Variants in DIP2C observed in about 807,000 individuals in gnomAD.
DIP2C encodes disco-interacting protein 2 homolog C.
In DIP2C, 33 loss-of-function variants were observed where a neutral mutation model predicts 192.4. The ratio of observed to expected loss-of-function variants is 0.17; its 90% CI spans 0.13 to 0.23. DIP2C has a LOEUF of 0.23. DIP2C is among the 10% of genes least tolerant of loss of function. The pLI is 1.00. For missense variants in DIP2C, 1,537 were observed against 2,110.1 expected (o/e 0.73, Z 5.32); for synonymous variants, 979 against 864.1 (o/e 1.13, Z -2.33).
intron 22 of DIP2C, among the ~76,000 whole-genome samples, chr10:361,766 G>T (rs970017803): frequency 9.9e-5 from 15 of 152,088 alleles, no homozygotes; most frequent in Admixed American, 4.6e-4. Flanking sequence ...GTCCCGAGGC[G>T]GCAGACAGAG....
chr10:390,620 G>T, intron 11 of DIP2C, 120 bp downstream of exon 11: 1 of 1,480,254 alleles, frequency 6.8e-7, no homozygotes, highest in Non-Finnish European at 9.1e-7. Flanking sequence ...AAAACTCGTG[G>T]GTCTGTGACT....
intron 1 of DIP2C, among the ~76,000 whole-genome samples, chr10:625,407 C>A (rs998647634): frequency 9.8e-5 from 15 of 152,320 alleles, no homozygotes; most frequent in African/African-American, 3.6e-4. Flanking sequence ...TGTTCGGAGG[C>A]TTTCTGGGCT....
At chr10:542,878 G>A (rs997222640) in intron 1 of DIP2C, among the ~76,000 whole-genome samples, 12 of 145,906 alleles carry the variant, frequency 8.2e-5, no homozygotes, top group South Asian at 6.7e-4. Flanking sequence ...CAGTTCTTAC[G>A]GGATTGGGGA....
At chr10:337,073 TTGTGGAGGCCTAGACTGGTGTGTGTGTGC>T (rs1564574810) in intron 29 of DIP2C, among the ~76,000 whole-genome samples, 9 of 71,512 alleles carry the variant, frequency 1.3e-4, no homozygotes, top group Admixed American at 3.0e-4. Context: ...TGTGTGTGTG[TTGTGGAGGCCTAGACTGGTGTGTGTGTGC>T]GTGTGTGTGT....
chr10:439,855 T>C lies in DIP2C; in HGVS notation c.394+1016A>G, dbSNP rs773239246. Among the ~76,000 whole-genome samples the C allele has an allele frequency of 7.2e-5, 11 of 152,172 alleles. No individual in the cohort carries two copies. In the South Asian group the frequency reaches 1.9e-3, roughly 26 times the overall value. Reference sequence around the variant, plus strand: ...AAAAATACTCCCAAAAAATTGTACATTTTCAACTATTCATATTGTACCTTA... The same window carrying C: ...AAAAATACTCCCAAAAAATTGTACACTTTCAACTATTCATATTGTACCTTA... On this transcript the variant is annotated intron_variant, in intron 4 of 36. Coordinates refer to ENST00000280886, the MANE Select transcript of DIP2C (RefSeq NM_014974.3).
chr10:374,718 AGAT>A (rs1394134183), intron 17 of DIP2C, among the ~76,000 whole-genome samples: 1 of 152,242 alleles, frequency 6.6e-6, no homozygotes, highest in Non-Finnish European at 1.5e-5. Context: ...TGAGAAACTT[AGAT>A]GATATTTATC....
intron 19 of DIP2C, 110 bp from the exon 20 acceptor site, chr10:364,692 C>T (rs895249437): frequency 2.2e-5 from 27 of 1,214,042 alleles, no homozygotes; most frequent in Non-Finnish European, 2.7e-5. Context: ...CTGCCTTTCA[C>T]CCCAGCAACC....
rs1224268021 is a variant in DIP2C at position 324,904 on chromosome 10, G to A, written c.3924+2102C>T. On this transcript the variant is annotated intron_variant, in intron 31 of 36. Transcript: ENST00000280886. The stretch of plus-strand genomic sequence containing the variant: ...TGCGCTGTTTTTCTTTCATCTCCAT[G>A]TTTTGGTTCTTTTTTCACGTATTTT... 1.3e-5 allele frequency: 7 copies of A among 531,068 alleles called. No individual in the cohort carries two copies. In the African/African-American group the frequency reaches 1.3e-4, roughly 10 times the overall value. 32.9% of individuals were successfully genotyped at this position (531,068 alleles called of 1,614,324 possible).
intron 4 of DIP2C, among the ~76,000 whole-genome samples, chr10:425,554 C>T (rs558324578): frequency 2.3e-4 from 31 of 134,082 alleles, no homozygotes; most frequent in South Asian, 1.8e-3. Context: ...TAATATGACA[C>T]GGATGATACA....
intron 24 of DIP2C, among the ~76,000 whole-genome samples, chr10:352,623 G>T (rs1024846920): frequency 3.9e-5 from 6 of 152,200 alleles, no homozygotes; most frequent in African/African-American, 1.4e-4. Flanking sequence ...AGGGCCATGG[G>T]TCACACCAGG....
intron 19 of DIP2C, 136 bp from the exon 20 acceptor site, chr10:364,718 G>A (rs1370972423): frequency 2.1e-6 from 2 of 965,152 alleles, no homozygotes; most frequent in Non-Finnish European, 1.5e-6. Context: ...CTAGGGCCGA[G>A]GTCACAGTGA....
intron 1 of DIP2C, among the ~76,000 whole-genome samples, chr10:496,397 C>T (rs770982120): frequency 7.6e-6 from 1 of 131,006 alleles, no homozygotes; most frequent in Non-Finnish European, 1.6e-5. Context: ...TGAGTGCTGA[C>T]TACACAGAAC....
At chr10:390,526 A>G (rs1444405677) in intron 11 of DIP2C, among the ~76,000 whole-genome samples, 153 bp from the exon 12 acceptor site, 4 of 151,174 alleles carry the variant, frequency 2.6e-5, no homozygotes, top group Non-Finnish European at 5.9e-5. Flanking sequence ...TCAACAGAAG[A>G]GCACCCAAGC....
rs1855964574 is a variant in DIP2C, at chr10:652,179, T to G, written c.85+37315A>C. Reference sequence around the variant, plus strand: ...AGCACGATAAACAGAATGAGCAAAATTCAAAAACTAAAGCAGCGTTTTTCC... The same window carrying G: ...AGCACGATAAACAGAATGAGCAAAAGTCAAAAACTAAAGCAGCGTTTTTCC... On this transcript the variant is annotated intron_variant, in intron 1 of 36. Coordinates refer to ENST00000280886, the MANE Select transcript of DIP2C (RefSeq NM_014974.3). This position sits in a 1 kb window ranked among gnomAD's most constrained non-coding sequence, Gnocchi z 4.5. 6.1e-6 allele frequency: 1 copy of G among 163,594 alleles called. No homozygotes were observed. Among genetic ancestry groups the G allele is most frequent in the Non-Finnish European group, 1.3e-5 (1 of 74,206 alleles). 10.1% of individuals were successfully genotyped at this position (163,594 alleles called of 1,614,324 possible).
intron 1 of DIP2C, among the ~76,000 whole-genome samples, chr10:502,040 G>C (rs899841015): frequency 6.6e-6 from 1 of 152,206 alleles, no homozygotes; most frequent in Non-Finnish European, 1.5e-5. Flanking sequence ...CAGTTACTCA[G>C]TAGGCTGAGG....
chr10:555,984 A>G (rs1020708925), intron 1 of DIP2C, among the ~76,000 whole-genome samples: 2 of 151,960 alleles, frequency 1.3e-5, no homozygotes, highest in African/African-American at 4.8e-5. Context: ...TGCCCCCAAC[A>G]CACCTCAAAT....
At chr10:470,009 T>TGGTGGAA (rs1435715940) in intron 3 of DIP2C, among the ~76,000 whole-genome samples, 3 of 152,020 alleles carry the variant, frequency 2.0e-5, no homozygotes, top group Admixed American at 6.5e-5. Context: ...GGGAGGTGGA[T>TGGTGGAA]GGTGGAAGAA....
rs1423032450 is a variant in DIP2C, at chr10:283,431, C to T, written c.4135G>A (p.Ala1379Thr). The change falls in exon 35 of 37, where the codon GCC becomes ACC. Residue 1379 changes from alanine (A) to threonine (T), a missense_variant. Ala to Thr is a moderately conservative substitution (Grantham distance 58). Coordinates refer to ENST00000280886, the MANE Select transcript of DIP2C (RefSeq NM_014974.3). Reference sequence around the variant, plus strand: ...GTGAAATAACCGCTGGCATTGTGGGCACTGTGAACCCAAATCTGCAAACGG... The same window carrying T: ...GTGAAATAACCGCTGGCATTGTGGGTACTGTGAACCCAAATCTGCAAACGG... ...SHLGEIWVHS[A>T]HNASGYFTIY... 7 of 1,614,096 alleles carry T rather than the reference C, an allele frequency of 4.3e-6. No individual in the cohort carries two copies. The highest frequency in any genetic ancestry group is 1.7e-5 in the Admixed American group (1 of 60,000).
At chr10:510,645 C>T (rs141809666) in intron 1 of DIP2C, among the ~76,000 whole-genome samples, 26 of 152,346 alleles carry the variant, frequency 1.7e-4, no homozygotes, top group African/African-American at 6.3e-4. Context: ...CTGAACAAAA[C>T]TCTATTGCAG....
Sources: gnomAD v4.1 joint callset for allele counts (sites outside exome capture counted in the v4.1 genomes callset) on GRCh38, gnomAD v4.1.1 for gene constraint, Gnocchi (gnomAD v3.1) non-coding constraint, MANE v1.5 for transcripts, NCBI Gene and HGNC (gene_info 2026-07-23, HGNC 2026-07-21) for gene names.